The following ACSM2B variants were observed in gnomAD, a reference collection of about 807,000 sequenced individuals.
The protein encoded by ACSM2B is acyl-CoA synthetase medium chain family member 2B.
A neutral mutation model predicts 78.6 loss-of-function variants in ACSM2B; 58 were observed. The observed-to-expected ratio is 0.74, with a 90% CI of 0.60 to 0.92. ACSM2B has a LOEUF of 0.92. Ranked by LOEUF, ACSM2B falls within the 40% of genes least tolerant of loss-of-function variation. The pLI is 0.00. For synonymous variants in ACSM2B, 257 were observed against 256.8 expected, an observed-to-expected ratio of 1.00 and a Z score of -0.01; for missense variants, 688 against 711.2, an observed-to-expected ratio of 0.97 and a Z score of 0.37.
At chr16:20,537,643 T>C (rs867817115) in intron 13 of ACSM2B, among the ~76,000 whole-genome samples, 4 of 152,166 alleles carry the variant, frequency 2.6e-5, no homozygotes, top group African/African-American at 9.6e-5. Flanking sequence ...GACATCAGAC[T>C]CTCTGGACCC....
Position 20,555,566 on chromosome 16 carries a change from G to T in ACSM2B, c.389-90C>A, listed in dbSNP as rs2015448944. The T allele has an allele frequency of 1.8e-5, 28 of 1,576,848 alleles. No homozygotes were observed. The South Asian group carries it at 2.8e-4, about 16-fold the overall frequency. ...GATAAACATCAAGCAGGGAGCAAGT[G>T]GGGAAGGAGAGGATGGGGAAGTAAT... On this transcript the variant is annotated intron_variant, in intron 3 of 13. Transcript: ENST00000329697.
At chr16:20,571,596 C>T (rs375714045) in intron 1 of ACSM2B, among the ~76,000 whole-genome samples, 87 of 147,622 alleles carry the variant, frequency 5.9e-4, no homozygotes, top group African/African-American at 1.8e-3. Flanking sequence ...ATCTGTTTTA[C>T]GGTACAGTTT....
intron 3 of ACSM2B, among the ~76,000 whole-genome samples, chr16:20,556,955 G>A (rs1408769470): frequency 6.6e-6 from 1 of 151,926 alleles, no homozygotes; most frequent in Non-Finnish European, 1.5e-5. Flanking sequence ...CTAATTCCTG[G>A]CTGCATTCAT....
chr16:20,549,989 T>G (rs1158698763), intron 6 of ACSM2B: 2 of 278,770 alleles, frequency 7.2e-6, no homozygotes, highest in African/African-American at 4.7e-5. Context: ...TTAGACAGAA[T>G]AGGTTTTAAT....
intron 1 of ACSM2B, among the ~76,000 whole-genome samples, chr16:20,572,035 A>G (rs2016105970): frequency 2.0e-5 from 3 of 150,116 alleles, no homozygotes; most frequent in African/African-American, 4.8e-5. Context: ...GCAATTCTGT[A>G]TCTTTTAAAT....
At chr16:20,545,942 T>G (rs1330885612) in intron 9 of ACSM2B, among the ~76,000 whole-genome samples, 1 of 152,202 alleles carries the variant, frequency 6.6e-6, no homozygotes, top group Non-Finnish European at 1.5e-5. Context: ...AACTGGGACA[T>G]CATCCCTTGG....
In ACSM2B at chr16:20,559,276, G is replaced by A. The variant is rs375844763; in HGVS notation, c.349C>T (p.Pro117Ser). The change falls in exon 3 of 14, where the codon CCT (proline) becomes TCT (serine). Residue 117 changes from proline (P) to serine (S), a missense_variant. By Grantham distance (74) the Pro-to-Ser change is moderately conservative (BLOSUM62 -1). Coordinates refer to ENST00000329697, the MANE Select transcript of ACSM2B (RefSeq NM_001105069.2). ...DRVAVMLPRV[P>S]EWWLVILGCI... ...CCCAGGATCACCAGCCACCACTCAG[G>A]CACTCGGGGCAGCATCACTGCCACA... 3.7e-6 allele frequency: 6 copies of A among 1,613,420 alleles called. No individual in the cohort carries two copies. The African/African-American group carries it at 8.0e-5, about 22-fold the overall frequency.
At position 20,552,877 on chromosome 16, in the gene ACSM2B, T is replaced by C. The variant is rs533331594; in HGVS notation, c.741-580A>G. ...TTGTGACGGGAACTGCCATAGTGTA[T>C]CTTCTTTCCTGAAGATGATTAATAC... On this transcript the variant is annotated intron_variant, in intron 5 of 13. Coordinates refer to ENST00000329697, the MANE Select transcript of ACSM2B (RefSeq NM_001105069.2). Among the ~76,000 whole-genome samples, 35 of 152,318 alleles carry C rather than the reference T, an allele frequency of 2.3e-4. 1 individual carries two copies. The highest frequency in any genetic ancestry group is 3.8e-4 in the Non-Finnish European group (26 of 68,018).
chr16:20,559,695 A>C (rs1164758870), intron 2 of ACSM2B, among the ~76,000 whole-genome samples: 1 of 148,866 alleles, frequency 6.7e-6, no homozygotes, highest in Non-Finnish European at 1.5e-5. Context: ...TAACTGTAAT[A>C]AACCCATTAT....
intron 3 of ACSM2B, among the ~76,000 whole-genome samples, chr16:20,556,672 A>T (rs1165336355): frequency 6.6e-6 from 1 of 152,182 alleles, no homozygotes; most frequent in East Asian, 1.9e-4. Context: ...CTTAAACCAC[A>T]TGCCCGTCCT....
At chr16:20,544,577 T>A (rs1362315721) in intron 10 of ACSM2B, 5 of 985,292 alleles carry the variant, frequency 5.1e-6, no homozygotes, top group Middle Eastern at 5.2e-4. Flanking sequence ...ATCTCAGGGA[T>A]CAGAAGGCAT....
chr16:20,555,879 A>G (rs2015459495), intron 3 of ACSM2B, among the ~76,000 whole-genome samples: 1 of 152,116 alleles, frequency 6.6e-6, no homozygotes, highest in Non-Finnish European at 1.5e-5. Context: ...TGAAACACCA[A>G]TAGCTCTAGG....
intron 3 of ACSM2B, among the ~76,000 whole-genome samples, chr16:20,555,847 C>T (rs1278597970): frequency 1.3e-5 from 2 of 152,056 alleles, no homozygotes; most frequent in African/African-American, 4.8e-5. Flanking sequence ...TGAGGAAAGG[C>T]ACTTGGAACT....
intron 1 of ACSM2B, among the ~76,000 whole-genome samples, chr16:20,567,346 A>C (rs2015935150): frequency 8.8e-6 from 1 of 113,352 alleles, no homozygotes; most frequent in East Asian, 2.3e-4. Context: ...ATTATATATA[A>C]ATATATTATA....
chr16:20,568,416 T>TA (rs2015998211), intron 1 of ACSM2B, among the ~76,000 whole-genome samples: 1 of 146,740 alleles, frequency 6.8e-6, no homozygotes. Flanking sequence ...ATTTATATAT[T>TA]TATAAAAATA....
intron 6 of ACSM2B, among the ~76,000 whole-genome samples, chr16:20,548,875 T>A (rs1371634852): frequency 1.3e-5 from 2 of 152,184 alleles, no homozygotes; most frequent in African/African-American, 4.8e-5. Context: ...GCCAGCTTTA[T>A]AATAGATTGT....
chr16:20,566,816 AT>A (rs2015907407), intron 1 of ACSM2B, among the ~76,000 whole-genome samples: 1 of 112,000 alleles, frequency 8.9e-6, no homozygotes, highest in South Asian at 2.4e-4. Flanking sequence ...ATTTTTATAC[AT>A]TTTTATATCT....
At chr16:20,557,355 G>GT (rs200095240) in intron 3 of ACSM2B, among the ~76,000 whole-genome samples, 3 of 152,038 alleles carry the variant, frequency 2.0e-5, no homozygotes, top group Non-Finnish European at 4.4e-5. Context: ...TGAAATGTCT[G>GT]ACTTCTCTCT....
Position 20,546,382 on chromosome 16 carries a change from T to C in ACSM2B, c.1179+12A>G, listed in dbSNP as rs756305973. The C allele has an allele frequency of 1.3e-5, 21 of 1,588,330 alleles. No individual in the cohort carries two copies. Among genetic ancestry groups the C allele is most frequent in the South Asian group, 5.8e-5 (5 of 86,308 alleles). ...CCCCTAACTTCCTCCCTCCTCAGTG[T>C]CCCGAGCAAACCTGTACATCATAAC... On this transcript the variant is annotated intron_variant, in intron 9 of 13. Transcript: ENST00000329697.
Sources: gnomAD v4.1 joint callset for allele counts (sites outside exome capture counted in the v4.1 genomes callset) on GRCh38, gnomAD v4.1.1 for gene constraint, MANE v1.5 for transcripts, NCBI Gene and HGNC (gene_info 2026-07-23, HGNC 2026-07-21) for gene names.